RABGAP1L: variants seen among roughly 807,000 people sequenced by gnomAD.
RABGAP1L encodes RAB GTPase activating protein 1 like.
Under a neutral mutation model 137.7 loss-of-function variants are expected in RABGAP1L, and 63 were observed. That is an observed-to-expected ratio of 0.46 (90% confidence interval 0.37 to 0.56). The LOEUF (loss-of-function observed/expected upper bound fraction) is 0.56, where lower values mean the gene tolerates loss of function less well. Ranked by LOEUF, RABGAP1L falls within the 20% of genes least tolerant of loss-of-function variation. RABGAP1L has a pLI of 0.00. For missense variants in RABGAP1L, 1,095 were observed against 1,244.0 expected (o/e 0.88, Z 1.80); for synonymous variants, 431 against 433.7 (o/e 0.99, Z 0.08).
intron 1 of RABGAP1L, among the ~76,000 whole-genome samples, chr1:174,169,804 C>A (rs1235687469): frequency 3.3e-5 from 5 of 152,034 alleles, no homozygotes. Context: ...GATTCTCCAA[C>A]CTTCGTCTCA....
chr1:174,597,786 C>G (rs1022827088), intron 13 of RABGAP1L, among the ~76,000 whole-genome samples: 1 of 152,112 alleles, frequency 6.6e-6, no homozygotes. Context: ...TAGGCACTTA[C>G]TGGTATAAAC....
At chr1:174,709,551 C>T (rs1680315004) in intron 17 of RABGAP1L, among the ~76,000 whole-genome samples, 1 of 152,162 alleles carries the variant, frequency 6.6e-6, no homozygotes, top group African/African-American at 2.4e-5. Context: ...TGCAGTGGAC[C>T]TCCAGCAAAC....
intron 14 of RABGAP1L, among the ~76,000 whole-genome samples, chr1:174,642,960 T>C (rs1386586459): frequency 6.6e-6 from 1 of 151,976 alleles, no homozygotes; most frequent in Non-Finnish European, 1.5e-5. Flanking sequence ...AATTTTGGTC[T>C]TTTTAGTAGA....
intron 13 of RABGAP1L, among the ~76,000 whole-genome samples, chr1:174,567,013 T>C (rs1667629235): frequency 6.6e-6 from 1 of 152,192 alleles, no homozygotes; most frequent in African/African-American, 2.4e-5. Flanking sequence ...TTATACTCTG[T>C]GTATACATAT....
chr1:174,386,945 G>A (rs1686845840), intron 12 of RABGAP1L, among the ~76,000 whole-genome samples: 1 of 152,106 alleles, frequency 6.6e-6, no homozygotes, highest in Non-Finnish European at 1.5e-5. Flanking sequence ...GCAGTATGGT[G>A]GGTAAGAAAA....
intron 17 of RABGAP1L, among the ~76,000 whole-genome samples, chr1:174,720,059 C>G (rs970735205): frequency 1.3e-5 from 2 of 152,006 alleles, no homozygotes; most frequent in Non-Finnish European, 2.9e-5. Flanking sequence ...AAACTTACTA[C>G]AAAGCTATAG....
At chr1:174,916,191 T>C (rs1660857871) in intron 19 of RABGAP1L, among the ~76,000 whole-genome samples, 1 of 152,040 alleles carries the variant, frequency 6.6e-6, no homozygotes, top group Non-Finnish European at 1.5e-5. Flanking sequence ...CTTTCCCCTA[T>C]TGAATTTCCC....
chr1:174,538,400 A>T (rs1338424790), intron 13 of RABGAP1L, among the ~76,000 whole-genome samples: 1 of 152,206 alleles, frequency 6.6e-6, no homozygotes, highest in Non-Finnish European at 1.5e-5. Flanking sequence ...CGTAAGAATA[A>T]TCTTTTACAT....
intron 19 of RABGAP1L, among the ~76,000 whole-genome samples, chr1:174,819,024 A>T (rs1313420908): frequency 6.6e-6 from 1 of 151,340 alleles, no homozygotes; most frequent in African/African-American, 2.4e-5. Flanking sequence ...TCTCAAAAAA[A>T]CTCCAAAAAT....
intron 14 of RABGAP1L, among the ~76,000 whole-genome samples, chr1:174,682,271 ACTCTCTCT>A (rs148219630): frequency 5.0e-5 from 7 of 140,764 alleles, no homozygotes; most frequent in Admixed American, 1.4e-4. Context: ...ACAAAGCAAA[ACTCTCTCT>A]CTCTCTCTCT....
At chr1:174,300,529 CAAAAAAAA>C (rs34220318) in intron 10 of RABGAP1L, among the ~76,000 whole-genome samples, 1 of 84,248 alleles carries the variant, frequency 1.2e-5, no homozygotes, top group South Asian at 4.4e-4. Context: ...AACTCCATCT[CAAAAAAAA>C]AAAAAAAAAA....
chr1:174,534,139 T>C (rs1664683105), intron 13 of RABGAP1L, among the ~76,000 whole-genome samples: 6 of 80,626 alleles, frequency 7.4e-5, no homozygotes, highest in African/African-American at 1.6e-4. Context: ...ACTCTGTGTG[T>C]GTGTGTGTGT....
intron 12 of RABGAP1L, among the ~76,000 whole-genome samples, chr1:174,389,799 T>C (rs2149072717): frequency 6.6e-6 from 1 of 152,260 alleles, no homozygotes; most frequent in Middle Eastern, 3.4e-3. Context: ...TTCTTGCCAT[T>C]GTGGAGTTTC....
chr1:174,961,597 C>T (rs935206774), intron 20 of RABGAP1L, among the ~76,000 whole-genome samples: 2 of 152,146 alleles, frequency 1.3e-5, no homozygotes, highest in Non-Finnish European at 2.9e-5. Context: ...GTAATCCCAG[C>T]ACTTTGGGAG....
At chr1:174,790,032 A>G (rs1453685422) in intron 18 of RABGAP1L, among the ~76,000 whole-genome samples, 1 of 151,834 alleles carries the variant, frequency 6.6e-6, no homozygotes, top group East Asian at 1.9e-4. Flanking sequence ...ACATAGTGAA[A>G]CCCCATCTCT....
At chr1:174,349,889 G>A (rs1321380625) in intron 11 of RABGAP1L, among the ~76,000 whole-genome samples, 19 of 142,160 alleles carry the variant, frequency 1.3e-4, no homozygotes, top group Admixed American at 3.4e-4. Context: ...CCTGGATGGG[G>A]CGGCTGGCCA....
intron 12 of RABGAP1L, among the ~76,000 whole-genome samples, chr1:174,383,653 C>T (rs1394742627): frequency 6.6e-6 from 1 of 151,950 alleles, no homozygotes; most frequent in Admixed American, 6.6e-5. Flanking sequence ...TCGGCTCGCG[C>T]ACGGTGCGCG....
At chr1:174,293,743 A>G (rs1490358582) in intron 10 of RABGAP1L, among the ~76,000 whole-genome samples, 2 of 152,154 alleles carry the variant, frequency 1.3e-5, no homozygotes, top group Admixed American at 6.5e-5. Context: ...ATGATTTTCA[A>G]TGTTTAGTTT....
intron 19 of RABGAP1L, among the ~76,000 whole-genome samples, chr1:174,833,404 GTGTGTA>G (rs66573833): frequency 0.063 from 2,521 of 40,190 alleles, 52 homozygotes; most frequent in Non-Finnish European, 0.14. Flanking sequence ...GTGTGTGTAT[GTGTGTA>G]TGTGTGTGTG....
Sources: gnomAD v4.1 joint callset for allele counts (sites outside exome capture counted in the v4.1 genomes callset) on GRCh38, gnomAD v4.1.1 for gene constraint, MANE v1.5 for transcripts, NCBI Gene and HGNC (gene_info 2026-07-23, HGNC 2026-07-21) for gene names.